The following FOXK1 variants were observed in gnomAD, a reference collection of about 807,000 sequenced individuals.
FOXK1 encodes the protein forkhead box K1.
A neutral mutation model predicts 51.9 loss-of-function variants in FOXK1; 19 were observed. The observed-to-expected ratio is 0.37, with a 90% CI of 0.26 to 0.54. FOXK1 has a LOEUF of 0.54. Ranked by LOEUF, FOXK1 falls within the 20% of genes least tolerant of loss-of-function variation. FOXK1 has a pLI of 0.87. For synonymous variants in FOXK1, 537 were observed against 482.6 expected, an observed-to-expected ratio of 1.11 and a Z score of -1.48; for missense variants, 870 against 1,032.7, an observed-to-expected ratio of 0.84 and a Z score of 2.16.
intron 1 of FOXK1, among the ~76,000 whole-genome samples, chr7:4,737,302 T>C (rs1352361244): frequency 6.6e-6 from 1 of 152,214 alleles, no homozygotes; most frequent in African/African-American, 2.4e-5. Context: ...ACATGGTCTG[T>C]TTCGTTGATT....
At chr7:4,694,146 C>G (rs1779925269) in intron 1 of FOXK1, among the ~76,000 whole-genome samples, 1 of 152,216 alleles carries the variant, frequency 6.6e-6, no homozygotes, top group African/African-American at 2.4e-5. Context: ...CTGGGCTTCC[C>G]AAAATGCTGG....
In FOXK1 at chr7:4,707,535, C is replaced by T. The variant is rs1047189068; in HGVS notation, c.560+24667C>T. On this transcript the variant is annotated intron_variant, in intron 1 of 8. Coordinates refer to ENST00000328914, the MANE Select transcript of FOXK1 (RefSeq NM_001037165.2). The surrounding 1 kb of genome is among the most constrained non-coding windows in gnomAD (Gnocchi z 4.1). ...TTAGCGACTCAAGTATCTGCAGCAG[C>T]GAGAGGGTGGGTGTGGGAGTCGGTG... Among the ~76,000 whole-genome samples the T allele has an allele frequency of 3.3e-5, 5 of 152,120 alleles. No homozygotes were observed. The highest frequency in any genetic ancestry group is 1.3e-4 in the Admixed American group (2 of 15,248).
rs146678822 is a variant in FOXK1, at chr7:4,737,552, C to CTGTGTGTGTG, written c.561-3273_561-3264dup. Among the ~76,000 whole-genome samples, 496 of 148,980 alleles carry CTGTGTGTGTG rather than the reference C, an allele frequency of 3.3e-3. 2 individuals carry two copies. Among genetic ancestry groups the CTGTGTGTGTG allele is most frequent in the African/African-American group, 8.4e-3 (343 of 40,712 alleles). On this transcript the variant is annotated intron_variant, in intron 1 of 8. Coordinates refer to ENST00000328914, the MANE Select transcript of FOXK1 (RefSeq NM_001037165.2). Reference sequence around the variant, plus strand: ...TGCATTCATGCACGTGTGTGCGTGCCTGTGTGTGTGTGTGTGTGTGTGCAT... The same window carrying CTGTGTGTGTG: ...TGCATTCATGCACGTGTGTGCGTGCCTGTGTGTGTGTGTGTGTGTGTGTGTGTGTGTGCAT...
In FOXK1 at chr7:4,768,002, C is replaced by T. The variant is rs764678590; in HGVS notation, c.*5538C>T. 1.3e-5 allele frequency: 2 copies of T among 151,912 alleles called. No homozygotes were observed. Among genetic ancestry groups the T allele is most frequent in the Non-Finnish European group, 2.9e-5 (2 of 68,038 alleles). 9.4% of individuals were successfully genotyped at this position (151,912 alleles called of 1,614,324 possible). Reference sequence around the variant, plus strand: ...AGAGCTGCTGCGTCCTTTCCTCTGTCCTCCCTGTCACCCAAACCCCGAAGT... The same window carrying T: ...AGAGCTGCTGCGTCCTTTCCTCTGTTCTCCCTGTCACCCAAACCCCGAAGT... On this transcript the variant is annotated 3_prime_UTR_variant, in exon 9 of 9. Coordinates refer to ENST00000328914, the MANE Select transcript of FOXK1 (RefSeq NM_001037165.2).
At chr7:4,702,622 A>G (rs947000357) in intron 1 of FOXK1, among the ~76,000 whole-genome samples, 5 of 152,244 alleles carry the variant, frequency 3.3e-5, no homozygotes, top group Non-Finnish European at 7.3e-5. Context: ...CTGGGATTAC[A>G]GGCATGAGCC....
rs1284964211 is a variant in FOXK1 at position 4,709,374 on chromosome 7, C to T, written c.560+26506C>T. Among the ~76,000 whole-genome samples the T allele has an allele frequency of 3.3e-5, 5 of 152,188 alleles. No individual in the cohort carries two copies. The highest frequency in any genetic ancestry group is 7.3e-5 in the Non-Finnish European group (5 of 68,034). On this transcript the variant is annotated intron_variant, in intron 1 of 8. Transcript: ENST00000328914. The surrounding 1 kb of genome is among the most constrained non-coding windows in gnomAD (Gnocchi z 5.6). ...TTGCTGCGTCCACGAGCCTGGCTTCCGCTTCCATTCTCAGGGTCTGGACAG... is the reference window on the plus strand; with the variant it reads ...TTGCTGCGTCCACGAGCCTGGCTTCTGCTTCCATTCTCAGGGTCTGGACAG...
Position 4,749,021 on chromosome 7 carries a change from C to T in FOXK1, c.747-5438C>T, listed in dbSNP as rs1338776337. On this transcript the variant is annotated intron_variant, in intron 2 of 8. Coordinates refer to ENST00000328914, the MANE Select transcript of FOXK1 (RefSeq NM_001037165.2). This position sits in a 1 kb window ranked among gnomAD's most constrained non-coding sequence, Gnocchi z 6.0. ...CGCTTCTGGGACTGGCTGTGCCTGGCGGGCCTCTGAGCTGAGTCTCTCATG... is the reference window on the plus strand; with the variant it reads ...CGCTTCTGGGACTGGCTGTGCCTGGTGGGCCTCTGAGCTGAGTCTCTCATG... 6.6e-6 allele frequency among the ~76,000 whole-genome samples: 1 copy of T among 152,184 alleles called. No individual in the cohort carries two copies. Among genetic ancestry groups the T allele is most frequent in the Non-Finnish European group, 1.5e-5 (1 of 68,028 alleles).
chr7:4,755,116 G>A lies in FOXK1; in HGVS notation c.904-121G>A, dbSNP rs1393118714. 32 of 1,266,240 alleles carry A rather than the reference G, an allele frequency of 2.5e-5. No homozygotes were observed. The highest frequency in any genetic ancestry group is 2.4e-4 in the Middle Eastern group (1 of 4,246). 78.4% of individuals were successfully genotyped at this position (1,266,240 alleles called of 1,614,324 possible). ...TGGGATAGTTGGAGGGCACTGGGAC[G>A]GGTGCCGGCAAGACGCGCACATTCT... On this transcript the variant is annotated intron_variant, in intron 3 of 8. Transcript: ENST00000328914. This position sits in a 1 kb window ranked among gnomAD's most constrained non-coding sequence, Gnocchi z 6.6.
In FOXK1 at chr7:4,705,779, C is replaced by G. The variant is rs796314981; in HGVS notation, c.560+22911C>G. Among the ~76,000 whole-genome samples, 60 of 146,072 alleles carry G rather than the reference C, an allele frequency of 4.1e-4. 1 individual carries two copies. The highest frequency in any genetic ancestry group is 2.5e-3 in the East Asian group (13 of 5,114). Reference sequence around the variant, plus strand: ...GTCTCGATCTCCCAACCTCGTGACCCCCCCCCGCCTCAGCCTCTCAAAGTG... The same window carrying G: ...GTCTCGATCTCCCAACCTCGTGACCGCCCCCCGCCTCAGCCTCTCAAAGTG... On this transcript the variant is annotated intron_variant, in intron 1 of 8. Coordinates refer to ENST00000328914, the MANE Select transcript of FOXK1 (RefSeq NM_001037165.2).
chr7:4,689,358 G>A (rs902274541), intron 1 of FOXK1, among the ~76,000 whole-genome samples: 24 of 152,174 alleles, frequency 1.6e-4, no homozygotes, highest in Admixed American at 9.2e-4. Context: ...GCTGAGAGGC[G>A]TATTGTGAGT....
rs1781084862 is a variant in FOXK1 at position 4,770,631 on chromosome 7, C to G, written c.*8167C>G. ...TACCTTCATGTATGTGGCTTGATTT[C>G]TGTTTCAGGAAAAGGGGGGCGGGAG... On this transcript the variant is annotated 3_prime_UTR_variant, in exon 9 of 9. Coordinates refer to ENST00000328914, the MANE Select transcript of FOXK1 (RefSeq NM_001037165.2). 6.6e-6 allele frequency: 1 copy of G among 152,002 alleles called. No individual in the cohort carries two copies. Among genetic ancestry groups the G allele is most frequent in the African/African-American group, 2.4e-5 (1 of 41,340 alleles). The allele number at this position is 152,002 out of a possible 1,614,324, so 9.4% of individuals were successfully genotyped here. A position where few individuals can be genotyped will look rare whatever the true frequency, so the allele number is the denominator to read the frequency against.
intron 1 of FOXK1, among the ~76,000 whole-genome samples, chr7:4,701,487 G>A (rs1164851422): frequency 1.3e-5 from 2 of 152,184 alleles, no homozygotes; most frequent in Admixed American, 1.3e-4. Flanking sequence ...CGGGCGTGGT[G>A]GCTCACACCA....
intron 1 of FOXK1, among the ~76,000 whole-genome samples, chr7:4,717,571 A>G (rs1780252850): frequency 6.6e-6 from 1 of 152,038 alleles, no homozygotes; most frequent in Non-Finnish European, 1.5e-5. Flanking sequence ...GCTGGGAAGC[A>G]AGTGTCTGGG....
chr7:4,737,469 T>TGTGTGCGTGGGTGTGGGC (rs987236068), intron 1 of FOXK1, among the ~76,000 whole-genome samples: 10 of 150,908 alleles, frequency 6.6e-5, no homozygotes, highest in African/African-American at 2.5e-4. Flanking sequence ...TGCATGTGTG[T>TGTGTGCGTGGGTGTGGGC]GTGTGCGTGG....
At chr7:4,746,652 C>T (rs1489944805) in intron 2 of FOXK1, among the ~76,000 whole-genome samples, 1 of 152,218 alleles carries the variant, frequency 6.6e-6, no homozygotes, top group Non-Finnish European at 1.5e-5. Flanking sequence ...GTCACCACTG[C>T]ACTCCAACCT....
rs1049815809 is a variant in FOXK1, at chr7:4,749,765, T to C, written c.747-4694T>C. ...GTGGACTGGAAGGACCGCAGCCCTG[T>C]GCCCTGGGGAAGGCTTGTCTTAGGC... On this transcript the variant is annotated intron_variant, in intron 2 of 8. Transcript: ENST00000328914. This position sits in a 1 kb window ranked among gnomAD's most constrained non-coding sequence, Gnocchi z 6.0. 6.6e-6 allele frequency among the ~76,000 whole-genome samples: 1 copy of C among 152,236 alleles called. No individual in the cohort carries two copies. Among genetic ancestry groups the C allele is most frequent in the African/African-American group, 2.4e-5 (1 of 41,464 alleles).
At position 4,754,371 on chromosome 7, in the gene FOXK1, C is replaced by G; in HGVS notation, c.747-88C>G. ...AGTGTGAGCTTCTTCCCCACAGCCC[C>G]ACCCTCTGGGTAGGTCCTGAAGCCC... On this transcript the variant is annotated intron_variant, in intron 2 of 8. Coordinates refer to ENST00000328914, the MANE Select transcript of FOXK1 (RefSeq NM_001037165.2). The G allele has an allele frequency of 2.1e-6, 3 of 1,462,968 alleles. No individual in the cohort carries two copies. The South Asian group carries it at 3.6e-5, about 18-fold the overall frequency. 90.6% of individuals were successfully genotyped at this position (1,462,968 alleles called of 1,614,324 possible).
At chr7:4,760,588 C>T (rs562204907) in intron 7 of FOXK1, among the ~76,000 whole-genome samples, 7 of 152,310 alleles carry the variant, frequency 4.6e-5, no homozygotes, top group South Asian at 2.1e-4. Flanking sequence ...CGGTGGCTCA[C>T]GCCTGTAATC....
chr7:4,759,249 G>T, intron 6 of FOXK1, 32 bp downstream of exon 6: 1 of 1,609,210 alleles, frequency 6.2e-7, no homozygotes. Context: ...TGCGGGGCGG[G>T]GCGGGGCGGG....
Sources: gnomAD v4.1 joint callset for allele counts (sites outside exome capture counted in the v4.1 genomes callset) on GRCh38, gnomAD v4.1.1 for gene constraint, Gnocchi (gnomAD v3.1) non-coding constraint, MANE v1.5 for transcripts, NCBI Gene and HGNC (gene_info 2026-07-23, HGNC 2026-07-21) for gene names.